FKRP: variants seen among roughly 807,000 people sequenced by gnomAD.
FKRP encodes the protein ribitol 5-phosphate transferase FKRP.
Under a neutral mutation model 30.6 loss-of-function variants are expected in FKRP, and 25 were observed. The observed-to-expected ratio is 0.82, with a 90% CI of 0.60 to 1.14. The LOEUF is 1.14. Ranked by LOEUF, FKRP falls within the 50% of genes most tolerant of loss-of-function variation. The pLI, the probability that FKRP is intolerant of heterozygous loss-of-function variation, is 0.00. For synonymous variants in FKRP, 358 were observed against 342.5 expected, an observed-to-expected ratio of 1.05 and a Z score of -0.50; for missense variants, 771 against 727.8, an observed-to-expected ratio of 1.06 and a Z score of -0.68.
In FKRP at chr19:46,757,380, C is replaced by T. The variant is rs2054949271; in HGVS notation, c.*442C>T. On this transcript the variant is annotated 3_prime_UTR_variant, in exon 4 of 4. Transcript: ENST00000318584. ...CGAGATTCAAATCCTGGCTCTATCG[C>T]TTCGGAGCCAGGTGGGCCTGGGGGG... 2 of 201,372 alleles carry T rather than the reference C, an allele frequency of 9.9e-6. No individual in the cohort carries two copies. The highest frequency in any genetic ancestry group is 4.7e-5 in the African/African-American group (2 of 42,756). 12.5% of individuals were successfully genotyped at this position (201,372 alleles called of 1,614,324 possible).
upstream of FKRP, among the ~76,000 whole-genome samples, chr19:46,745,138 T>C (rs777811757): frequency 2.0e-5 from 3 of 148,894 alleles, no homozygotes; most frequent in Non-Finnish European, 4.4e-5. Flanking sequence ...TAACTCGTCC[T>C]CATTGGCACC....
Position 46,755,922 on chromosome 19 carries a change from G to A in FKRP, c.472G>A (p.Ala158Thr), listed in dbSNP as rs2054905075. Reference protein sequence around the residue: ...LRAGSARLVAAPVATANPARC... With the variant: ...LRAGSARLVATPVATANPARC... ...CGCAGGAAGCGCACGTCTGGTGGCC[G>A]CCCCGGTTGCCACGGCCAACCCTGC... Residue 158 changes from alanine to threonine, a missense_variant, in exon 4 of 4, where the codon GCC (alanine) becomes ACC (threonine). By Grantham distance (58) the Ala-to-Thr change is moderately conservative. Coordinates refer to ENST00000318584, the MANE Select transcript of FKRP (RefSeq NM_024301.5). The A allele has an allele frequency of 6.5e-7, 1 of 1,528,364 alleles. No homozygotes were observed. The highest frequency in any genetic ancestry group is 8.7e-7 in the Non-Finnish European group (1 of 1,143,148). The allele number at this position is 1,528,364 out of a possible 1,614,324, so 94.7% of individuals were successfully genotyped here.
rs769568971 is a variant in FKRP at position 46,756,720 on chromosome 19, A to C, written c.1270A>C (p.Asn424His). The change falls in exon 4 of 4, where the codon AAT becomes CAT. Residue 424 changes from asparagine (N) to histidine (H), a missense_variant. Asn to His is a moderately conservative substitution (Grantham distance 68). Coordinates refer to ENST00000318584, the MANE Select transcript of FKRP (RefSeq NM_024301.5). The surrounding 1 kb of genome is among the most constrained non-coding windows in gnomAD (Gnocchi z 6.6). ...GGACCTGTGGCCCTTCTACCCCCGC[A>C]ATGGCGTCATGACCAAGGACACGTG... is the stretch of plus-strand genomic sequence containing the variant. ...HVDLWPFYPR[N>H]GVMTKDTWLD... 70 of 1,611,674 alleles carry C rather than the reference A, an allele frequency of 4.3e-5. No homozygotes were observed. Among genetic ancestry groups the C allele is most frequent in the Non-Finnish European group, 5.4e-5 (64 of 1,179,144 alleles).
At chr19:46,745,525 C>T (rs868011710), upstream of FKRP, among the ~76,000 whole-genome samples, 2 of 152,070 alleles carry the variant, frequency 1.3e-5, no homozygotes, top group Non-Finnish European at 1.5e-5. Flanking sequence ...CGAAACACAC[C>T]GATCCCAGGT....
rs1398034977 is a variant in FKRP, at chr19:46,756,401, C to T, written c.951C>T (p.Cys317=). The part of the protein sequence containing the change: ...YLYEERWTPP[C]CLRALRETAR... ...ACGAGGAGCGCTGGACGCCCCCCTG[C>T]TGCCTGCGCGCGCTGCGCGAGACCG... is the stretch of plus-strand genomic sequence containing the variant. The change falls in exon 4 of 4, where the codon TGC becomes TGT. Residue 317 remains cysteine (C), a synonymous_variant. Transcript: ENST00000318584. This position sits in a 1 kb window ranked among gnomAD's most constrained non-coding sequence, Gnocchi z 6.6. 1 of 1,570,550 alleles carries T rather than the reference C, an allele frequency of 6.4e-7. No individual in the cohort carries two copies. Among genetic ancestry groups the T allele is most frequent in the Non-Finnish European group, 8.6e-7 (1 of 1,158,990 alleles).
At chr19:46,747,524 G>A (rs887215287) in intron 1 of FKRP, 2 of 151,174 alleles carry the variant, frequency 1.3e-5, no homozygotes, top group Non-Finnish European at 2.9e-5. Flanking sequence ...CTCCCAAGTA[G>A]CTGGGATTAC....
At chr19:46,746,295 T>C in intron 1 of FKRP, 1 of 1,396,890 alleles carries the variant, frequency 7.2e-7, no homozygotes, top group Non-Finnish European at 9.3e-7. Flanking sequence ...CCGCCTCCCT[T>C]ACCTGCCGGG....
chr19:46,753,053 C>G (rs1246918985), intron 3 of FKRP, among the ~76,000 whole-genome samples: 1 of 151,904 alleles, frequency 6.6e-6, no homozygotes, highest in South Asian at 2.1e-4. Flanking sequence ...GTAGTCCCAG[C>G]TACTCAGGAG....
rs761445941 is a variant in FKRP at position 46,755,500 on chromosome 19, A to G, written c.50A>G (p.Asn17Ser). The stretch of plus-strand genomic sequence containing the variant: ...GCCCTGGCGGCCGCCATCACCCTCA[A>G]CCTTCTGGTCCTCTTCTATGTCTCG... ...QAALAAAITL[N>S]LLVLFYVSWL... Residue 17 changes from asparagine (N) to serine (S), a missense_variant, in exon 4 of 4, where the codon AAC becomes AGC. Coordinates refer to ENST00000318584, the MANE Select transcript of FKRP (RefSeq NM_024301.5). The G allele has an allele frequency of 1.2e-6, 2 of 1,610,398 alleles. No homozygotes were observed. The highest frequency in any genetic ancestry group is 1.7e-6 in the Non-Finnish European group (2 of 1,179,212).
chr19:46,754,806 G>A (rs562823621), intron 3 of FKRP, among the ~76,000 whole-genome samples: 12 of 150,034 alleles, frequency 8.0e-5, no homozygotes, highest in South Asian at 2.1e-4. Flanking sequence ...GGGTTTCACC[G>A]TGTTGGCCAG....
intron 3 of FKRP, among the ~76,000 whole-genome samples, chr19:46,750,348 G>A (rs2054767761): frequency 6.6e-6 from 1 of 152,164 alleles, no homozygotes; most frequent in African/African-American, 2.4e-5. Flanking sequence ...TCTGGTCTGC[G>A]AGGGCCAAGA....
chr19:46,745,049 C>G (rs887055583), upstream of FKRP, among the ~76,000 whole-genome samples: 1 of 151,632 alleles, frequency 6.6e-6, no homozygotes, highest in Non-Finnish European at 1.5e-5. Flanking sequence ...CAGTCTACCC[C>G]CGTTCCGAGA....
At chr19:46,754,439 T>G (rs1334224830) in intron 3 of FKRP, 1 of 149,196 alleles carries the variant, frequency 6.7e-6, no homozygotes, top group African/African-American at 2.5e-5. Context: ...TTGCCCAGGC[T>G]GGAGTGCAAC....
intron 3 of FKRP, among the ~76,000 whole-genome samples, chr19:46,750,817 C>T (rs1399071733): frequency 2.0e-5 from 3 of 152,038 alleles, no homozygotes; most frequent in African/African-American, 7.2e-5. Context: ...GAGTGAGCCC[C>T]CATACCCAGC....
chr19:46,756,822 G>T lies in FKRP; in HGVS notation c.1372G>T (p.Val458Leu). Residue 458 changes from valine to leucine, a missense_variant, in exon 4 of 4, where the codon GTG becomes TTG. Transcript: ENST00000318584. The surrounding 1 kb of genome is among the most constrained non-coding windows in gnomAD (Gnocchi z 6.6). ...PLVPLPFAGF[V>L]AQAPNNYRRF... ...GGTGCCCCTGCCCTTTGCCGGCTTCGTGGCGCAGGCGCCTAACAACTACCG... is the reference window on the plus strand; with the variant it reads ...GGTGCCCCTGCCCTTTGCCGGCTTCTTGGCGCAGGCGCCTAACAACTACCG... The T allele has an allele frequency of 1.3e-6, 2 of 1,599,296 alleles. No individual in the cohort carries two copies.
intron 3 of FKRP, among the ~76,000 whole-genome samples, chr19:46,753,069 G>C (rs575872294): frequency 1.3e-5 from 2 of 151,894 alleles, no homozygotes; most frequent in African/African-American, 4.8e-5. Context: ...AGGAGGCTGA[G>C]GCAAGAGAAT....
chr19:46,756,357 G>C lies in FKRP; in HGVS notation c.907G>C (p.Asp303His). Reference sequence around the variant, plus strand: ...GCGCTGCTTCGGAACCGTGGTGGGCGACACGCCCGCCTACCTCTACGAGGA... The same window carrying C: ...GCGCTGCTTCGGAACCGTGGTGGGCCACACGCCCGCCTACCTCTACGAGGA... ...TTRCFGTVVGDTPAYLYEERW... is the reference protein window; with the variant it reads ...TTRCFGTVVGHTPAYLYEERW... The change falls in exon 4 of 4, where the codon GAC becomes CAC. Residue 303 changes from aspartate (D) to histidine (H), a missense_variant. Physicochemically the swap from Asp to His is moderately conservative, Grantham distance 81. Coordinates refer to ENST00000318584, the MANE Select transcript of FKRP (RefSeq NM_024301.5). This position sits in a 1 kb window ranked among gnomAD's most constrained non-coding sequence, Gnocchi z 6.6. 6.4e-7 allele frequency: 1 copy of C among 1,558,912 alleles called. No individual in the cohort carries two copies. The highest frequency in any genetic ancestry group is 8.7e-7 in the Non-Finnish European group (1 of 1,154,612).
rs574792942 is a variant in FKRP at position 46,757,900 on chromosome 19, C to T, written c.*962C>T. ...CCAGCCTCGGCAACATGCCAAGACC[C>T]CGTCTCTATTTTTAAAAAAGAAAAA... On this transcript the variant is annotated 3_prime_UTR_variant, in exon 4 of 4. Coordinates refer to ENST00000318584, the MANE Select transcript of FKRP (RefSeq NM_024301.5). 6.0e-6 allele frequency: 1 copy of T among 167,174 alleles called. No individual in the cohort carries two copies. The highest frequency in any genetic ancestry group is 2.4e-5 in the African/African-American group (1 of 41,580). 10.4% of individuals were successfully genotyped at this position (167,174 alleles called of 1,614,324 possible). A position where few individuals can be genotyped will look rare whatever the true frequency, so the allele number is the denominator to read the frequency against.
chr19:46,745,950 CCCG>C, upstream of FKRP: 1 of 543,588 alleles, frequency 1.8e-6, no homozygotes, highest in Non-Finnish European at 2.8e-6. Flanking sequence ...CCGTCCCGGT[CCCG>C]TCCCACCCCG....
Sources: allele counts gnomAD v4.1 joint callset (sites outside exome capture counted in the v4.1 genomes callset), GRCh38; gene constraint gnomAD v4.1.1; non-coding constraint Gnocchi (gnomAD v3.1); transcripts MANE v1.5; gene names NCBI Gene and HGNC (gene_info 2026-07-23, HGNC 2026-07-21).